PPP2R3A: variants seen among roughly 807,000 people sequenced by gnomAD.
PPP2R3A encodes the protein serine/threonine-protein phosphatase 2A regulatory subunit B'' subunit alpha.
PPP2R3A carries 80 observed loss-of-function variants against 106.9 expected under a neutral mutation model. The ratio of observed to expected loss-of-function variants is 0.75; its 90% CI spans 0.62 to 0.90. The LOEUF (loss-of-function observed/expected upper bound fraction) is 0.90, where lower values mean the gene tolerates loss of function less well. Among genes scored for constraint, PPP2R3A ranks in the 40% least tolerant of loss-of-function variants. PPP2R3A has a pLI of 0.00. For missense variants in PPP2R3A, 1,386 were observed against 1,350.4 expected (o/e 1.03, Z -0.41); for synonymous variants, 483 against 468.3 (o/e 1.03, Z -0.41).
chr3:135,985,186 A>G (rs527890814), intron 1 of PPP2R3A, among the ~76,000 whole-genome samples: 4 of 152,248 alleles, frequency 2.6e-5, no homozygotes, highest in Admixed American at 1.3e-4. Flanking sequence ...TACACCTAGC[A>G]TGTATAAGTA....
At chr3:136,011,233 CT>C (rs577429337) in intron 2 of PPP2R3A, among the ~76,000 whole-genome samples, 3 of 151,738 alleles carry the variant, frequency 2.0e-5, no homozygotes, top group African/African-American at 4.8e-5. Flanking sequence ...TTTTTTTCCC[CT>C]AACACTTATC....
intron 1 of PPP2R3A, among the ~76,000 whole-genome samples, chr3:135,983,803 C>T (rs6439605): frequency 0.64 from 97,759 of 152,100 alleles, 33,417 homozygotes; most frequent in African/African-American, 0.88. Context: ...TAGTCAGTTA[C>T]ATTATTGAAC....
chr3:136,114,978 C>T (rs750927128), intron 13 of PPP2R3A, among the ~76,000 whole-genome samples: 3 of 152,178 alleles, frequency 2.0e-5, no homozygotes, highest in Non-Finnish European at 2.9e-5. Context: ...CTGGGAGACA[C>T]CTCCCAGTAG....
intron 1 of PPP2R3A, among the ~76,000 whole-genome samples, chr3:135,968,186 G>A (rs1937145170): frequency 6.6e-6 from 1 of 152,172 alleles, no homozygotes; most frequent in African/African-American, 2.4e-5. Flanking sequence ...GATTAGGTAT[G>A]GAAATAGATT....
intron 3 of PPP2R3A, among the ~76,000 whole-genome samples, chr3:136,039,766 A>G (rs1935202511): frequency 6.6e-6 from 1 of 152,156 alleles, no homozygotes; most frequent in Admixed American, 6.5e-5. Flanking sequence ...TCAATTAAAA[A>G]TAAATTGTCC....
rs1245356490 is a variant in PPP2R3A at position 136,001,990 on chromosome 3, T to C, written c.492T>C (p.His164=). ...RSVDLDLLCG[H]YNNDGNAPSF... The stretch of plus-strand genomic sequence containing the variant: ...TTGATTTGGACTTGCTTTGTGGCCA[T>C]TATAACAACGATGGGAACGCCCCAT... The change falls in exon 2 of 14, where the codon CAT becomes CAC. Residue 164 remains histidine, a synonymous_variant. Coordinates refer to ENST00000264977, the MANE Select transcript of PPP2R3A (RefSeq NM_002718.5). 6.2e-7 allele frequency: 1 copy of C among 1,614,158 alleles called. No homozygotes were observed. Among genetic ancestry groups the C allele is most frequent in the Non-Finnish European group, 8.5e-7 (1 of 1,180,012 alleles).
At chr3:136,103,961 C>T (rs1054437419) in intron 12 of PPP2R3A, among the ~76,000 whole-genome samples, 3 of 152,100 alleles carry the variant, frequency 2.0e-5, no homozygotes, top group East Asian at 1.9e-4. Context: ...CCTATACATA[C>T]GATCCATGTT....
intron 2 of PPP2R3A, 70 bp from the exon 3 acceptor site, chr3:136,026,762 C>G: frequency 2.1e-6 from 3 of 1,407,664 alleles, no homozygotes; most frequent in Non-Finnish European, 2.9e-6. Flanking sequence ...TCTTATATTG[C>G]TGGTGAGAAT....
chr3:136,009,544 C>T (rs985394497), intron 2 of PPP2R3A, among the ~76,000 whole-genome samples: 3 of 152,088 alleles, frequency 2.0e-5, no homozygotes, highest in African/African-American at 7.2e-5. Flanking sequence ...TGCCCTTCTT[C>T]GTTCATTTTC....
At chr3:136,125,119 G>A (rs936007777) in intron 13 of PPP2R3A, among the ~76,000 whole-genome samples, 12 of 152,268 alleles carry the variant, frequency 7.9e-5, no homozygotes, top group East Asian at 3.9e-4. Context: ...TCGGGAGTTC[G>A]AGACCAGCCT....
At chr3:136,103,822 C>G (rs556337924) in intron 12 of PPP2R3A, among the ~76,000 whole-genome samples, 1 of 152,294 alleles carries the variant, frequency 6.6e-6, no homozygotes, top group African/African-American at 2.4e-5. Context: ...AGAAAACCTT[C>G]AAATAATATA....
intron 13 of PPP2R3A, among the ~76,000 whole-genome samples, chr3:136,142,015 G>A (rs546644948): frequency 6.6e-6 from 1 of 152,286 alleles, no homozygotes; most frequent in South Asian, 2.1e-4. Flanking sequence ...TGTTCTGAAA[G>A]AGCCATCTAT....
At chr3:136,005,742 C>T (rs1933820180) in intron 2 of PPP2R3A, among the ~76,000 whole-genome samples, 1 of 152,096 alleles carries the variant, frequency 6.6e-6, no homozygotes, top group African/African-American at 2.4e-5. Context: ...ATAATAATGT[C>T]ATAAGAGCTA....
At chr3:136,077,047 C>T (rs34706807) in intron 6 of PPP2R3A, among the ~76,000 whole-genome samples, 43,673 of 151,790 alleles carry the variant, frequency 0.29, 6,441 homozygotes, top group African/African-American at 0.36. Flanking sequence ...TCAGGTGCAC[C>T]AGCGTTTGGA....
chr3:136,130,708 C>A (rs1295983970), intron 13 of PPP2R3A, among the ~76,000 whole-genome samples: 5 of 152,144 alleles, frequency 3.3e-5, no homozygotes, highest in African/African-American at 9.7e-5. Flanking sequence ...CCAAGACAAT[C>A]CTAAGCAAAA....
At chr3:136,059,005 C>T (rs1039518552) in intron 5 of PPP2R3A, among the ~76,000 whole-genome samples, 15 of 152,042 alleles carry the variant, frequency 9.9e-5, no homozygotes, top group Admixed American at 2.6e-4. Context: ...TGGATTAAAA[C>T]GTAAATGTAA....
At chr3:136,050,109 A>G (rs140203448) in intron 5 of PPP2R3A, among the ~76,000 whole-genome samples, 27 of 152,294 alleles carry the variant, frequency 1.8e-4, no homozygotes, top group Admixed American at 9.2e-4. Context: ...TGAGATTAGT[A>G]ATTTATTTTA....
chr3:136,012,013 ACT>A (rs1934103887), intron 2 of PPP2R3A, among the ~76,000 whole-genome samples: 1 of 150,218 alleles, frequency 6.7e-6, no homozygotes, highest in African/African-American at 2.5e-5. Context: ...ACACACACAC[ACT>A]CTCCACCAAG....
At chr3:136,055,134 A>G (rs992333660) in intron 5 of PPP2R3A, 2 of 701,450 alleles carry the variant, frequency 2.9e-6, no homozygotes, top group Admixed American at 2.7e-5. Context: ...TTTTTTCCTC[A>G]AAGATTCCTT....
Sources: gnomAD v4.1 joint callset for allele counts (sites outside exome capture counted in the v4.1 genomes callset) on GRCh38, gnomAD v4.1.1 for gene constraint, MANE v1.5 for transcripts, NCBI Gene and HGNC (gene_info 2026-07-23, HGNC 2026-07-21) for gene names.